SKIC3: variants seen among roughly 807,000 people sequenced by gnomAD.
The protein encoded by SKIC3 is SKI3 subunit of superkiller complex, also known as superkiller complex protein 3.
At chr5:95,523,215 G>A in the SKIC3 span, 1 of 1,613,784 alleles carries the variant, frequency 6.2e-7, no homozygotes, top group Middle Eastern at 1.7e-4. Flanking sequence ...GCCACTGCTT[G>A]AGAATGCTGA....
chr5:95,523,864 C>T, the SKIC3 span: 1 of 1,596,484 alleles, frequency 6.3e-7, no homozygotes, highest in South Asian at 1.1e-5. Context: ...AATAACAGAA[C>T]ATTAAAAGTT....
At chr5:95,497,536 C>T in the SKIC3 span, 1 of 1,402,754 alleles carries the variant, frequency 7.1e-7, no homozygotes, top group Non-Finnish European at 1.0e-6. Context: ...ACTTTAACCA[C>T]AAAATGTACA....
the SKIC3 span, chr5:95,494,537 T>G: frequency 2.5e-6 from 2 of 797,310 alleles, no homozygotes; most frequent in Non-Finnish European, 4.1e-6. Context: ...ACTCCTGTTG[T>G]AGAAGATCTA....
chr5:95,537,391 G>T, the SKIC3 span, among the ~76,000 whole-genome samples: 1 of 152,130 alleles, frequency 6.6e-6, no homozygotes, highest in African/African-American at 2.4e-5. Flanking sequence ...TTAACAAAAC[G>T]CACTTCCAAG....
the SKIC3 span, among the ~76,000 whole-genome samples, chr5:95,465,876 A>G: frequency 1.3e-5 from 2 of 152,336 alleles, no homozygotes; most frequent in East Asian, 3.9e-4. Flanking sequence ...GAAAAGATAG[A>G]CTAGAACAAA....
the SKIC3 span, among the ~76,000 whole-genome samples, chr5:95,479,475 C>A: frequency 6.6e-6 from 1 of 152,102 alleles, no homozygotes; most frequent in East Asian, 1.9e-4. Context: ...TTACAGTAGA[C>A]CCTCTCCTTA....
chr5:95,547,057 T>C, the SKIC3 span: 1 of 1,611,932 alleles, frequency 6.2e-7, no homozygotes, highest in African/African-American at 1.3e-5. Context: ...AAAATACTGG[T>C]TACCTTACAG....
chr5:95,515,299 C>CCAATGAAG, the SKIC3 span, among the ~76,000 whole-genome samples: 1 of 152,114 alleles, frequency 6.6e-6, no homozygotes, highest in South Asian at 2.1e-4. Context: ...GAACTCACAA[C>CCAATGAAG]CAATGAAGTC....
At chr5:95,507,455 G>A in the SKIC3 span, among the ~76,000 whole-genome samples, 2 of 152,122 alleles carry the variant, frequency 1.3e-5, no homozygotes, top group East Asian at 3.8e-4. Flanking sequence ...GTAAGTTGAG[G>A]GAAGGGGACT....
chr5:95,552,888 G>A, the SKIC3 span, among the ~76,000 whole-genome samples: 1 of 152,220 alleles, frequency 6.6e-6, no homozygotes, highest in East Asian at 1.9e-4. Flanking sequence ...GAGGGAGTTG[G>A]GGGAAGGACT....
chr5:95,534,767 T>C, the SKIC3 span, among the ~76,000 whole-genome samples: 1 of 152,164 alleles, frequency 6.6e-6, no homozygotes, highest in Non-Finnish European at 1.5e-5. Flanking sequence ...CAGTTCTCAG[T>C]ATTTTTCCCT....
the SKIC3 span, among the ~76,000 whole-genome samples, chr5:95,521,701 C>T: frequency 6.6e-6 from 1 of 151,890 alleles, no homozygotes; most frequent in African/African-American, 2.4e-5. Context: ...GCTTGTATAA[C>T]TTACAAAGTA....
chr5:95,541,834 G>A, the SKIC3 span: 1 of 1,612,074 alleles, frequency 6.2e-7, no homozygotes, highest in South Asian at 1.1e-5. Context: ...AGATCCAGGA[G>A]CTTTTGGTAA....
chr5:95,539,598 C>T, the SKIC3 span, among the ~76,000 whole-genome samples: 1 of 152,116 alleles, frequency 6.6e-6, no homozygotes, highest in Non-Finnish European at 1.5e-5. Flanking sequence ...AATCCCAACA[C>T]TTTGGGGGGC....
the SKIC3 span, chr5:95,497,533 C>T: frequency 1.4e-6 from 2 of 1,457,754 alleles, no homozygotes; most frequent in Admixed American, 3.4e-5. Flanking sequence ...GTTACTTTAA[C>T]CACAAAATGT....
At chr5:95,484,814 G>C in the SKIC3 span, 1 of 1,614,038 alleles carries the variant, frequency 6.2e-7, no homozygotes. Flanking sequence ...CAAGGGACTG[G>C]TTGTAATTTT....
the SKIC3 span, among the ~76,000 whole-genome samples, chr5:95,519,053 T>C: frequency 6.6e-6 from 1 of 151,606 alleles, no homozygotes; most frequent in South Asian, 2.1e-4. Flanking sequence ...TTCCTGATGA[T>C]TGGTGATGTT....
At chr5:95,464,141 T>C in the SKIC3 span, 10 of 160,256 alleles carry the variant, frequency 6.2e-5, no homozygotes, top group African/African-American at 2.2e-4. Context: ...ATTTGGATTT[T>C]ATGATGAATT....
the SKIC3 span, among the ~76,000 whole-genome samples, chr5:95,492,652 GAAAAAAAAAAAAAAAAAAAAAAAA>G: frequency 3.3e-4 from 16 of 48,844 alleles, no homozygotes; most frequent in East Asian, 3.6e-3. Flanking sequence ...AAAAAAAAAA[GAAAAAAAAAAAAAAAAAAAAAAAA>G]AAAAAAAAAA....
Sources: gnomAD v4.1 joint callset for allele counts (sites outside exome capture counted in the v4.1 genomes callset) on GRCh38, gnomAD v4.1.1 for gene constraint, MANE v1.5 for transcripts, NCBI Gene and HGNC (gene_info 2026-07-23, HGNC 2026-07-21) for gene names.